Variants in DNAJC17 observed in about 807,000 individuals in gnomAD.
DNAJC17 encodes DnaJ heat shock protein family (Hsp40) member C17.
In DNAJC17, 35 loss-of-function variants were observed where a neutral mutation model predicts 48.1. That is an observed-to-expected ratio of 0.73 (90% CI 0.56 to 0.96). DNAJC17 has a LOEUF of 0.96. Among genes scored for constraint, DNAJC17 ranks in the 50% least tolerant of loss-of-function variants. The pLI, the probability that DNAJC17 is intolerant of heterozygous loss-of-function variation, is 0.00. For synonymous variants in DNAJC17, 117 were observed against 142.7 expected, an observed-to-expected ratio of 0.82 and a Z score of 1.28; for missense variants, 355 against 377.1, an observed-to-expected ratio of 0.94 and a Z score of 0.48.
In DNAJC17 at chr15:40,767,113, C is replaced by T; in HGVS notation, c.*827G>A. 8.7e-7 allele frequency: 1 copy of T among 1,150,786 alleles called. No individual in the cohort carries two copies. Among genetic ancestry groups the T allele is most frequent in the Non-Finnish European group, 1.2e-6 (1 of 856,374 alleles). 71.3% of individuals were successfully genotyped at this position (1,150,786 alleles called of 1,614,324 possible). ...CTTACCCCAGCGCCCAGCAAGCAGC[C>T]AGCAAGTGTGAGTCACTACAAGAGT... On this transcript the variant is annotated 3_prime_UTR_variant, in exon 11 of 11. Transcript: ENST00000220496.
At chr15:40,784,919 G>A (rs1889600691) in intron 1 of DNAJC17, among the ~76,000 whole-genome samples, 1 of 152,162 alleles carries the variant, frequency 6.6e-6, no homozygotes, top group African/African-American at 2.4e-5. Flanking sequence ...CCAACATGGT[G>A]AAACCCCGTC....
intron 1 of DNAJC17, among the ~76,000 whole-genome samples, chr15:40,782,618 C>T (rs1353908448): frequency 6.6e-6 from 1 of 151,974 alleles, no homozygotes; most frequent in African/African-American, 2.4e-5. Flanking sequence ...GCTCAAACCT[C>T]CTGGAGGAAG....
chr15:40,800,193 G>A (rs142829106), intron 1 of DNAJC17, among the ~76,000 whole-genome samples: 181 of 152,102 alleles, frequency 1.2e-3, no homozygotes, highest in African/African-American at 4.1e-3. Flanking sequence ...CTGCCTCCTC[G>A]AGTACATGAG....
chr15:40,768,468 C>G (rs1221768554), intron 10 of DNAJC17, among the ~76,000 whole-genome samples: 1 of 152,208 alleles, frequency 6.6e-6, no homozygotes, highest in Non-Finnish European at 1.5e-5. Flanking sequence ...GTCTGAGGAG[C>G]AGGGATGCAC....
chr15:40,785,279 G>T (rs1017330153), intron 1 of DNAJC17, among the ~76,000 whole-genome samples: 6 of 152,028 alleles, frequency 3.9e-5, no homozygotes, highest in African/African-American at 1.4e-4. Flanking sequence ...AGTGATACAA[G>T]AAAAAAACTG....
At chr15:40,774,973 G>A in intron 8 of DNAJC17, 58 bp downstream of exon 8, 1 of 1,564,996 alleles carries the variant, frequency 6.4e-7, no homozygotes, top group South Asian at 1.1e-5. Context: ...GAGACCTAGG[G>A]TGTGGACTGA....
At position 40,802,694 on chromosome 15, in the gene DNAJC17, C is replaced by T. The variant is rs1325628984; in HGVS notation, c.78+4675G>A. Among the ~76,000 whole-genome samples the T allele has an allele frequency of 2.6e-5, 4 of 152,172 alleles. No homozygotes were observed. In the East Asian group the frequency reaches 7.7e-4, roughly 29 times the overall value. ...ACATCAGGGCATCAGGGCATCAGGGCATCAGGGTTCTAGTCCCAATTCTGC... is the reference window on the plus strand; with the variant it reads ...ACATCAGGGCATCAGGGCATCAGGGTATCAGGGTTCTAGTCCCAATTCTGC... On this transcript the variant is annotated intron_variant, in intron 1 of 10. Transcript: ENST00000220496.
intron 1 of DNAJC17, among the ~76,000 whole-genome samples, chr15:40,806,731 G>A (rs1890239644): frequency 3.3e-5 from 5 of 152,066 alleles, no homozygotes; most frequent in Admixed American, 3.3e-4. Context: ...TTCACTCCCT[G>A]GCATCTTTAT....
Position 40,770,402 on chromosome 15 carries a change from G to A in DNAJC17, c.793-2340C>T. On this transcript the variant is annotated intron_variant, in intron 10 of 10. Transcript: ENST00000220496. The surrounding 1 kb of genome is among the most constrained non-coding windows in gnomAD (Gnocchi z 5.0). ...AACCCTGAGGCCTCTGCTCCTAGGG[G>A]AGCCTCCCCAGCTGCTGGCACTCAC... 1 of 1,279,020 alleles carries A rather than the reference G, an allele frequency of 7.8e-7. No individual in the cohort carries two copies. The highest frequency in any genetic ancestry group is 1.5e-5 in the South Asian group (1 of 65,416). The allele number at this position is 1,279,020 out of a possible 1,614,324, so 79.2% of individuals were successfully genotyped here.
intron 1 of DNAJC17, among the ~76,000 whole-genome samples, chr15:40,800,715 G>A (rs1332532558): frequency 2.0e-5 from 3 of 150,744 alleles, no homozygotes; most frequent in African/African-American, 7.3e-5. Flanking sequence ...AGCTGGGCAC[G>A]GTGGCTCACG....
intron 1 of DNAJC17, chr15:40,780,448 A>T: frequency 2.4e-6 from 1 of 411,824 alleles, no homozygotes; most frequent in South Asian, 1.8e-5. Context: ...AAAAATAAAT[A>T]TACAAGGATG....
Position 40,781,196 on chromosome 15 carries a change from GTGTAATCCTGTAATCCTGGCA to G in DNAJC17, c.79-1220_79-1200del, listed in dbSNP as rs1440015577. On this transcript the variant is annotated intron_variant, in intron 1 of 10. Transcript: ENST00000220496. ...AAAAGATTATGATTGGCCAGACATG[GTGTAATCCTGTAATCCTGGCA>G]TGTAATCCTGTAATCCTCATGCCTG... Among the ~76,000 whole-genome samples the G allele has an allele frequency of 1.4e-4, 21 of 150,580 alleles. No homozygotes were observed. The Admixed American group carries it at 1.4e-3, about 10-fold the overall frequency.
intron 1 of DNAJC17, among the ~76,000 whole-genome samples, chr15:40,793,549 T>A (rs959909026): frequency 6.6e-6 from 1 of 152,084 alleles, no homozygotes; most frequent in Non-Finnish European, 1.5e-5. Context: ...ACTGCCTCAA[T>A]TGAGAATCAC....
intron 1 of DNAJC17, among the ~76,000 whole-genome samples, chr15:40,806,845 T>C (rs1371054498): frequency 1.3e-5 from 2 of 152,098 alleles, no homozygotes; most frequent in African/African-American, 4.8e-5. Context: ...CATCAGCTAC[T>C]TGAAAAGAGT....
chr15:40,765,447 GT>G lies in DNAJC17; in HGVS notation c.*2492del. On this transcript the variant is annotated 3_prime_UTR_variant, in exon 11 of 11. Transcript: ENST00000220496. Reference sequence around the variant, plus strand: ...TTCATTTACATGTTTATTTTGTTTTGTTTTTTTGAAATGGAGTCTCACTCTG... The same window carrying G: ...TTCATTTACATGTTTATTTTGTTTTGTTTTTTGAAATGGAGTCTCACTCTG... The G allele has an allele frequency of 6.4e-6, 1 of 156,682 alleles. No individual in the cohort carries two copies. The allele number at this position is 156,682 out of a possible 1,614,324, so 9.7% of individuals were successfully genotyped here.
intron 1 of DNAJC17, among the ~76,000 whole-genome samples, chr15:40,801,737 C>CAAAAAA (rs1048222450): frequency 3.8e-4 from 24 of 63,538 alleles, no homozygotes; most frequent in East Asian, 9.7e-4. Context: ...GACTCCGTCT[C>CAAAAAA]AAAAAAAAAA....
chr15:40,777,151 T>G (rs1387736916), intron 4 of DNAJC17, among the ~76,000 whole-genome samples: 2 of 152,158 alleles, frequency 1.3e-5, no homozygotes, highest in African/African-American at 4.8e-5. Context: ...CTGGATTGTG[T>G]GAGGGCGTTA....
At chr15:40,800,606 G>A (rs937075520) in intron 1 of DNAJC17, among the ~76,000 whole-genome samples, 2 of 148,438 alleles carry the variant, frequency 1.3e-5, no homozygotes, top group Non-Finnish European at 3.0e-5. Context: ...TTTTAACCGA[G>A]TTGTTTTTTT....
intron 1 of DNAJC17, among the ~76,000 whole-genome samples, chr15:40,794,582 G>A (rs1035906348): frequency 6.6e-6 from 1 of 152,090 alleles, no homozygotes; most frequent in Non-Finnish European, 1.5e-5. Flanking sequence ...TGAGGTGGGA[G>A]GATCACCTGA....
Sources: gnomAD v4.1 joint callset for allele counts (sites outside exome capture counted in the v4.1 genomes callset) on GRCh38, gnomAD v4.1.1 for gene constraint, Gnocchi (gnomAD v3.1) non-coding constraint, MANE v1.5 for transcripts, NCBI Gene and HGNC (gene_info 2026-07-23, HGNC 2026-07-21) for gene names.